SAMD3: variants seen among roughly 807,000 people sequenced by gnomAD.
The protein encoded by SAMD3 is sterile alpha motif domain containing 3, also known as sterile alpha motif domain-containing protein 3.
A neutral mutation model predicts 58.5 loss-of-function variants in SAMD3; 63 were observed. That is an observed-to-expected ratio of 1.08 (90% CI 0.88 to 1.33). The LOEUF (loss-of-function observed/expected upper bound fraction) is 1.33, where lower values mean the gene tolerates loss of function less well. SAMD3 is among the 40% of genes most tolerant of loss of function. The pLI, the probability that SAMD3 is intolerant of heterozygous loss-of-function variation, is 0.00. For synonymous variants in SAMD3, 220 were observed against 210.3 expected (o/e 1.05, Z -0.40); for missense variants, 604 against 608.4 (o/e 0.99, Z 0.08).
intron 5 of SAMD3, among the ~76,000 whole-genome samples, chr6:130,209,260 T>A (rs950025376): frequency 6.6e-6 from 1 of 152,220 alleles, no homozygotes; most frequent in African/African-American, 2.4e-5. Context: ...CTTAAAAATG[T>A]ATACTTGAAA....
chr6:130,317,683 G>C (rs2114996698), intron 1 of SAMD3, among the ~76,000 whole-genome samples: 1 of 152,274 alleles, frequency 6.6e-6, no homozygotes, highest in African/African-American at 2.4e-5. Context: ...GAATGACAGG[G>C]ACAGGATTTA....
chr6:130,210,108 A>T (rs1275754892), intron 4 of SAMD3, among the ~76,000 whole-genome samples: 1 of 152,202 alleles, frequency 6.6e-6, no homozygotes, highest in Non-Finnish European at 1.5e-5. Context: ...ACTCCTGGTG[A>T]GCTACTCAGT....
chr6:130,254,959 C>T (rs747696379), intron 2 of SAMD3, among the ~76,000 whole-genome samples: 6 of 151,850 alleles, frequency 4.0e-5, no homozygotes, highest in Non-Finnish European at 8.8e-5. Flanking sequence ...CCTCTTCAAA[C>T]TGTGTTTGTG....
chr6:130,143,379 G>A (rs2114530267), downstream of SAMD3, among the ~76,000 whole-genome samples: 1 of 152,218 alleles, frequency 6.6e-6, no homozygotes, highest in Non-Finnish European at 1.5e-5. Context: ...CCAAGTAGCT[G>A]GGACTACAGG....
intron 8 of SAMD3, among the ~76,000 whole-genome samples, chr6:130,170,874 A>T (rs763657239): frequency 1.1e-4 from 16 of 152,346 alleles, no homozygotes; most frequent in Non-Finnish European, 2.1e-4. Flanking sequence ...ATATACAATC[A>T]TGTCGTCTGC....
At chr6:130,313,692 T>C (rs1295464194) in intron 1 of SAMD3, among the ~76,000 whole-genome samples, 2 of 152,186 alleles carry the variant, frequency 1.3e-5, no homozygotes, top group East Asian at 1.9e-4. Flanking sequence ...GCCAGGTTCC[T>C]GGAGAGGGGA....
At chr6:130,163,939 GA>G (rs1187526120) in intron 8 of SAMD3, among the ~76,000 whole-genome samples, 1 of 152,032 alleles carries the variant, frequency 6.6e-6, no homozygotes, top group East Asian at 1.9e-4. Context: ...AGTAGGAAAA[GA>G]AAATGTTTTA....
chr6:130,279,856 C>T (rs1045960165), intron 2 of SAMD3, among the ~76,000 whole-genome samples: 25 of 152,220 alleles, frequency 1.6e-4, no homozygotes, highest in African/African-American at 5.5e-4. Flanking sequence ...CGGACTAATA[C>T]ACCACCTGAC....
Position 130,215,223 on chromosome 6 carries a change from A to G in SAMD3, c.51T>C (p.Asn17=), listed in dbSNP as rs1795930562. ...EQVCSWLVEK[N]LGELVHRFQE... Reference sequence around the variant, plus strand: ...GAAATCTATGAACTAGCTCTCCTAAATTTTTCTCCACCAACCAACTGCAGA... The same window carrying G: ...GAAATCTATGAACTAGCTCTCCTAAGTTTTTCTCCACCAACCAACTGCAGA... Residue 17 remains asparagine (N), a synonymous_variant, in exon 3 of 12, where the codon AAT becomes AAC. Transcript: ENST00000439090. 6.2e-7 allele frequency: 1 copy of G among 1,609,446 alleles called. No homozygotes were observed. Among genetic ancestry groups the G allele is most frequent in the African/African-American group, 1.3e-5 (1 of 74,714 alleles).
chr6:130,152,214 G>A (rs1214643171), intron 9 of SAMD3, among the ~76,000 whole-genome samples: 2 of 152,108 alleles, frequency 1.3e-5, no homozygotes, highest in Admixed American at 1.3e-4. Context: ...GTTTGGTGCA[G>A]GGACAACTGT....
intron 1 of SAMD3, among the ~76,000 whole-genome samples, chr6:130,334,436 T>C (rs999503673): frequency 2.0e-5 from 3 of 152,324 alleles, no homozygotes; most frequent in South Asian, 4.1e-4. Context: ...ACCCACATAG[T>C]TCACCTCTTT....
At chr6:130,264,219 T>A (rs966921231) in intron 2 of SAMD3, among the ~76,000 whole-genome samples, 2 of 152,096 alleles carry the variant, frequency 1.3e-5, no homozygotes, top group Admixed American at 1.3e-4. Flanking sequence ...CCTGGAGTAA[T>A]AAGTCATGCC....
At chr6:130,336,935 A>G (rs1040997741) in intron 1 of SAMD3, among the ~76,000 whole-genome samples, 1 of 152,202 alleles carries the variant, frequency 6.6e-6, no homozygotes, top group Non-Finnish European at 1.5e-5. Flanking sequence ...ATAAGTTACA[A>G]TCAAGCCTTA....
At chr6:130,236,650 G>A (rs1162864746) in intron 2 of SAMD3, among the ~76,000 whole-genome samples, 1 of 152,076 alleles carries the variant, frequency 6.6e-6, no homozygotes, top group Non-Finnish European at 1.5e-5. Context: ...TCAAAGTGTT[G>A]GGATTACAGG....
chr6:130,303,392 G>A (rs1775815567), intron 2 of SAMD3, among the ~76,000 whole-genome samples: 1 of 152,100 alleles, frequency 6.6e-6, no homozygotes, highest in African/African-American at 2.4e-5. Context: ...TATTGTAATG[G>A]AGCCAATATC....
chr6:130,360,804 C>G (rs917375446), intron 1 of SAMD3, among the ~76,000 whole-genome samples: 3 of 152,080 alleles, frequency 2.0e-5, no homozygotes, highest in Non-Finnish European at 4.4e-5. Flanking sequence ...ATGGCCACAC[C>G]CAAGGGGGCC....
chr6:130,207,124 G>C lies in SAMD3; in HGVS notation c.383+2371C>G, dbSNP rs1000276499. On this transcript the variant is annotated intron_variant, in intron 5 of 11. Coordinates refer to ENST00000439090, the MANE Select transcript of SAMD3 (RefSeq NM_001017373.4). ...TGATTGCATCACTGCACTCCAGCCT[G>C]GGTGATAGAGAGATGGTGATAGACC... Among the ~76,000 whole-genome samples the C allele has an allele frequency of 4.2e-5, 6 of 141,318 alleles. No individual in the cohort carries two copies. In the South Asian group the frequency reaches 1.3e-3, roughly 31 times the overall value. The allele number at this position is 141,318 out of a possible 152,430, so 92.7% of individuals were successfully genotyped here.
At chr6:130,162,242 A>G (rs1192896066) in intron 8 of SAMD3, 1 of 701,876 alleles carries the variant, frequency 1.4e-6, no homozygotes, top group Admixed American at 2.0e-5. Context: ...ATAGCAGAGC[A>G]TAGTTCTAGC....
At chr6:130,160,952 T>C (rs1790228996) in intron 8 of SAMD3, 1 of 151,980 alleles carries the variant, frequency 6.6e-6, no homozygotes, top group African/African-American at 2.4e-5. Context: ...GAGGATTTAT[T>C]CAAATAAAAT....
Sources: allele counts gnomAD v4.1 joint callset (sites outside exome capture counted in the v4.1 genomes callset), GRCh38; gene constraint gnomAD v4.1.1; transcripts MANE v1.5; gene names NCBI Gene and HGNC (gene_info 2026-07-23, HGNC 2026-07-21).